Variants in COX7A2 observed in about 807,000 individuals in gnomAD.
COX7A2 encodes the protein cytochrome c oxidase subunit 7A2.
In COX7A2, 11 loss-of-function variants were observed where a neutral mutation model predicts 11.6. The ratio of observed to expected loss-of-function variants is 0.95; its 90% CI spans 0.60 to 1.57. The LOEUF (loss-of-function observed/expected upper bound fraction) is 1.57, where lower values mean the gene tolerates loss of function less well. COX7A2 is among the 40% of genes most tolerant of loss of function. The pLI, the probability that COX7A2 is intolerant of heterozygous loss-of-function variation, is 0.00. For synonymous variants in COX7A2, 30 were observed against 38.2 expected, an observed-to-expected ratio of 0.78 and a Z score of 0.79; for missense variants, 106 against 100.9, an observed-to-expected ratio of 1.05 and a Z score of -0.22.
chr6:75,246,225 G>T (rs1011567738), upstream of COX7A2, among the ~76,000 whole-genome samples: 2 of 152,102 alleles, frequency 1.3e-5, no homozygotes, highest in Non-Finnish European at 2.9e-5. Flanking sequence ...TGGCTAATGC[G>T]CATCTCAAAC....
upstream of COX7A2, chr6:75,243,823 G>C: frequency 6.2e-7 from 1 of 1,613,868 alleles, no homozygotes; most frequent in Non-Finnish European, 8.5e-7. Context: ...CGAGTCTTGC[G>C]TATGCATTCA....
At chr6:75,246,104 G>C (rs1245694895), upstream of COX7A2, among the ~76,000 whole-genome samples, 4 of 152,086 alleles carry the variant, frequency 2.6e-5, no homozygotes, top group African/African-American at 4.8e-5. Flanking sequence ...ACTTCCTGTA[G>C]ATTGTATGAA....
chr6:75,238,128 G>A, intron 3 of COX7A2, 140 bp from the exon 4 acceptor site: 3 of 418,908 alleles, frequency 7.2e-6, no homozygotes, highest in Middle Eastern at 5.9e-4. Flanking sequence ...GATAGGTGCT[G>A]GAAAAATTTT....
chr6:75,248,759 C>G (rs1356979830), upstream of COX7A2, among the ~76,000 whole-genome samples: 1 of 152,134 alleles, frequency 6.6e-6, no homozygotes, highest in Non-Finnish European at 1.5e-5. Context: ...TTACCGGTTA[C>G]CTACTATGAA....
chr6:75,249,869 CAG>C (rs1771753106), intron 1 of COX7A2, among the ~76,000 whole-genome samples: 2 of 152,116 alleles, frequency 1.3e-5, no homozygotes, highest in South Asian at 2.1e-4. Flanking sequence ...TTATTAGGGT[CAG>C]AGAGTCTGTC....
chr6:75,237,857 G>C lies in COX7A2; in HGVS notation c.*73C>G. 1.8e-6 allele frequency: 2 copies of C among 1,137,640 alleles called. No homozygotes were observed. Among genetic ancestry groups the C allele is most frequent in the Non-Finnish European group, 2.6e-6 (2 of 766,728 alleles). 70.5% of individuals were successfully genotyped at this position (1,137,640 alleles called of 1,614,324 possible). A position where few individuals can be genotyped will look rare whatever the true frequency, so the allele number is the denominator to read the frequency against. ...AATATTGATCCCCAAAGAAGAGCTC[G>C]GTTATTTATCAGATTACTGGTCCAT... On this transcript the variant is annotated 3_prime_UTR_variant, in exon 4 of 4. Transcript: ENST00000684430.
chr6:75,242,757 T>C (rs1771549878), intron 1 of COX7A2, among the ~76,000 whole-genome samples: 1 of 152,148 alleles, frequency 6.6e-6, no homozygotes, highest in African/African-American at 2.4e-5. Flanking sequence ...AGACGGAAAT[T>C]GCAGTGAGCC....
At chr6:75,247,288 T>G (rs1562376731), upstream of COX7A2, among the ~76,000 whole-genome samples, 1 of 152,126 alleles carries the variant, frequency 6.6e-6, no homozygotes, top group Non-Finnish European at 1.5e-5. Flanking sequence ...AATCGATAAG[T>G]AACAAAAACA....
chr6:75,248,081 C>CTTTTTTTT (rs905344722), upstream of COX7A2, among the ~76,000 whole-genome samples: 4 of 10,684 alleles, frequency 3.7e-4, 1 homozygote, highest in African/African-American at 1.2e-3. Flanking sequence ...CATCCTTTAT[C>CTTTTTTTT]TTTTTTTTTT....
At chr6:75,248,339 C>T (rs1199244120), upstream of COX7A2, among the ~76,000 whole-genome samples, 2 of 113,136 alleles carry the variant, frequency 1.8e-5, 1 homozygote, top group African/African-American at 6.5e-5. Context: ...CCGCCCGCCT[C>T]GGCCTCCCAA....
intron 3 of COX7A2, among the ~76,000 whole-genome samples, chr6:75,239,162 T>C (rs939668627): frequency 2.0e-5 from 3 of 152,108 alleles, no homozygotes; most frequent in Non-Finnish European, 2.9e-5. Flanking sequence ...AACGAGGAGA[T>C]TGTGGGAACC....
upstream of COX7A2, chr6:75,243,942 T>G: frequency 3.3e-6 from 3 of 915,502 alleles, no homozygotes; most frequent in South Asian, 1.6e-5. Context: ...CGGCTCGCCG[T>G]CTCAGTCCCG....
At chr6:75,239,806 T>C (rs1771433964) in intron 3 of COX7A2, among the ~76,000 whole-genome samples, 1 of 152,190 alleles carries the variant, frequency 6.6e-6, no homozygotes, top group African/African-American at 2.4e-5. Flanking sequence ...GTTATTTTTT[T>C]ATTAAGACAT....
At chr6:75,250,222 A>G (rs1199810927) in exon 1 of COX7A2, 2 of 152,196 alleles carry the variant, frequency 1.3e-5, no homozygotes, top group South Asian at 2.1e-4. Context: ...TCATTTCTCA[A>G]GAGATTAATA....
At chr6:75,242,689 G>A (rs1367412606) in intron 1 of COX7A2, among the ~76,000 whole-genome samples, 2 of 151,552 alleles carry the variant, frequency 1.3e-5, no homozygotes, top group Non-Finnish European at 2.9e-5. Context: ...GCTTGGTGGC[G>A]AGCGCCTGTA....
At chr6:75,239,203 G>A (rs776088865) in intron 3 of COX7A2, among the ~76,000 whole-genome samples, 28 of 152,154 alleles carry the variant, frequency 1.8e-4, no homozygotes, top group Non-Finnish European at 2.6e-4. Flanking sequence ...CAGAAGTTCC[G>A]AAGACCCAAA....
intron 3 of COX7A2, 100 bp downstream of exon 3, chr6:75,240,201 A>G: frequency 1.2e-6 from 1 of 832,282 alleles, no homozygotes; most frequent in Non-Finnish European, 2.0e-6. Flanking sequence ...CTGGAGACAA[A>G]CTGCCTGCAT....
chr6:75,250,107 C>G (rs1187487584), exon 1 of COX7A2: 2 of 152,182 alleles, frequency 1.3e-5, no homozygotes, highest in African/African-American at 4.8e-5. Context: ...TAAGAAATCT[C>G]AGGTTGGTGT....
intron 3 of COX7A2, 55 bp downstream of exon 3, chr6:75,240,246 C>T: frequency 7.8e-7 from 1 of 1,274,450 alleles, no homozygotes; most frequent in South Asian, 1.3e-5. Context: ...ATAAAGTTAT[C>T]AGTTATCATT....
Sources: gnomAD v4.1 joint callset for allele counts (sites outside exome capture counted in the v4.1 genomes callset) on GRCh38, gnomAD v4.1.1 for gene constraint, MANE v1.5 for transcripts, NCBI Gene and HGNC (gene_info 2026-07-23, HGNC 2026-07-21) for gene names.